The following IGSF11 variants were observed in gnomAD, a reference collection of about 807,000 sequenced individuals.
IGSF11 encodes the protein immunoglobulin superfamily member 11.
IGSF11 carries 22 observed loss-of-function variants against 41.0 expected under a neutral mutation model. That is an observed-to-expected ratio of 0.54 (90% CI 0.38 to 0.77). The LOEUF (loss-of-function observed/expected upper bound fraction) is 0.77. IGSF11 is among the 30% of genes least tolerant of loss of function. The probability of loss-of-function intolerance (pLI) is 0.00; values close to 1 mark genes in which losing one functional copy is unlikely to be tolerated. For synonymous variants in IGSF11, 219 were observed against 201.3 expected (o/e 1.09, Z -0.74); for missense variants, 444 against 530.8 (o/e 0.84, Z 1.61).
chr3:119,114,136 C>T lies in IGSF11; in HGVS notation c.-13-8931G>A, dbSNP rs547708162. 2.3e-4 allele frequency among the ~76,000 whole-genome samples: 35 copies of T among 152,226 alleles called. 1 individual carries two copies. The highest frequency in any genetic ancestry group is 4.1e-4 in the South Asian group (2 of 4,834). On this transcript the variant is annotated intron_variant, in intron 1 of 7. Transcript: ENST00000425327. ...TCCAGGCCTGTGATGGGAGGGGCTGCTGCAAAGGTATCTAAAATGCCTTCA... is the reference window on the plus strand; with the variant it reads ...TCCAGGCCTGTGATGGGAGGGGCTGTTGCAAAGGTATCTAAAATGCCTTCA...
intron 1 of IGSF11, among the ~76,000 whole-genome samples, chr3:119,083,104 T>C (rs1576777300): frequency 6.9e-6 from 1 of 145,702 alleles, no homozygotes; most frequent in East Asian, 2.0e-4. Context: ...ATTCCTTTTT[T>C]TTCTTTTTCT....
At chr3:118,907,401 T>C (rs1274304014) in intron 4 of IGSF11, among the ~76,000 whole-genome samples, 1 of 152,114 alleles carries the variant, frequency 6.6e-6, no homozygotes, top group African/African-American at 2.4e-5. Context: ...ATGAGACAAG[T>C]ATACACACAA....
upstream of IGSF11, among the ~76,000 whole-genome samples, chr3:119,035,477 C>T (rs1195439897): frequency 3.9e-5 from 6 of 152,140 alleles, no homozygotes. Flanking sequence ...TTCTCTTGCC[C>T]CTTTTGTAAA....
At chr3:118,974,798 C>G (rs1033312897) in intron 1 of IGSF11, among the ~76,000 whole-genome samples, 3 of 152,124 alleles carry the variant, frequency 2.0e-5, no homozygotes, top group Non-Finnish European at 4.4e-5. Context: ...TACAATCTTT[C>G]TCTTATCATT....
intron 1 of IGSF11, among the ~76,000 whole-genome samples, chr3:119,026,480 A>G (rs1428933508): frequency 6.6e-6 from 1 of 152,204 alleles, no homozygotes. Flanking sequence ...TCCCTGGGTT[A>G]ACATGTGCAT....
At chr3:119,115,948 T>C (rs545958070) in intron 1 of IGSF11, among the ~76,000 whole-genome samples, 2 of 152,316 alleles carry the variant, frequency 1.3e-5, no homozygotes, top group South Asian at 4.1e-4. Flanking sequence ...GTCTTAAGAT[T>C]ATATAATTAA....
intron 1 of IGSF11, among the ~76,000 whole-genome samples, chr3:119,015,516 T>C (rs1471317349): frequency 6.6e-6 from 1 of 152,172 alleles, no homozygotes; most frequent in Non-Finnish European, 1.5e-5. Context: ...TAACATAATA[T>C]TTTTTCTGTA....
chr3:118,907,908 T>C (rs1173985777), intron 4 of IGSF11, among the ~76,000 whole-genome samples: 2 of 152,238 alleles, frequency 1.3e-5, no homozygotes, highest in Admixed American at 6.5e-5. Flanking sequence ...AATGTTCCAA[T>C]GCTGTTAGTA....
At chr3:119,056,971 C>A (rs1213733871) in intron 1 of IGSF11, among the ~76,000 whole-genome samples, 1 of 152,102 alleles carries the variant, frequency 6.6e-6, no homozygotes, top group Non-Finnish European at 1.5e-5. Context: ...TGGGATATAT[C>A]TCAAAATAAT....
chr3:119,045,387 G>A (rs561049780), intron 1 of IGSF11, among the ~76,000 whole-genome samples: 2 of 152,222 alleles, frequency 1.3e-5, no homozygotes, highest in Non-Finnish European at 2.9e-5. Flanking sequence ...GGTGACGAAC[G>A]GCACCTGGAA....
chr3:119,139,415 C>T (rs1040004638), intron 1 of IGSF11, among the ~76,000 whole-genome samples: 7 of 152,122 alleles, frequency 4.6e-5, no homozygotes, highest in African/African-American at 9.7e-5. Flanking sequence ...ATAATTCCCA[C>T]GTGTTGTAGG....
At chr3:118,935,027 C>T (rs1943133555) in intron 1 of IGSF11, among the ~76,000 whole-genome samples, 1 of 151,888 alleles carries the variant, frequency 6.6e-6, no homozygotes, top group African/African-American at 2.4e-5. Context: ...ACAAGAAAAG[C>T]CCTGACCTCT....
chr3:118,984,798 G>A (rs866534929), intron 1 of IGSF11, among the ~76,000 whole-genome samples: 3 of 152,286 alleles, frequency 2.0e-5, no homozygotes, highest in Middle Eastern at 6.8e-3. Context: ...ACAAGAGGAG[G>A]GAAAGGTAAG....
At chr3:119,032,091 A>T (rs1003659314) in intron 1 of IGSF11, among the ~76,000 whole-genome samples, 1 of 152,236 alleles carries the variant, frequency 6.6e-6, no homozygotes, top group Non-Finnish European at 1.5e-5. Flanking sequence ...CAGAATAAAC[A>T]GAAATAGAAA....
intron 1 of IGSF11, among the ~76,000 whole-genome samples, chr3:119,021,844 G>C (rs930728042): frequency 2.0e-5 from 3 of 152,094 alleles, no homozygotes; most frequent in African/African-American, 7.2e-5. Context: ...AATCAATTAA[G>C]AACTTCTGTT....
chr3:119,049,411 G>A (rs1041577188), intron 1 of IGSF11, among the ~76,000 whole-genome samples: 9 of 152,086 alleles, frequency 5.9e-5, no homozygotes, highest in African/African-American at 2.2e-4. Context: ...GCTTCAAAGA[G>A]AATAAAATAC....
intron 1 of IGSF11, among the ~76,000 whole-genome samples, chr3:119,009,487 C>T (rs1937834754): frequency 6.6e-6 from 1 of 152,126 alleles, no homozygotes; most frequent in Non-Finnish European, 1.5e-5. Context: ...TTAAAGGTGG[C>T]AGTTTCCCCT....
chr3:119,066,159 C>A (rs1360431869), intron 1 of IGSF11, among the ~76,000 whole-genome samples: 1 of 152,046 alleles, frequency 6.6e-6, no homozygotes, highest in Non-Finnish European at 1.5e-5. Flanking sequence ...AACAGGCAGA[C>A]AACAGTTAGG....
At chr3:119,062,039 ATGG>A in intron 1 of IGSF11, among the ~76,000 whole-genome samples, 1 of 152,212 alleles carries the variant, frequency 6.6e-6, no homozygotes. Context: ...CCTTATAAAA[ATGG>A]AATATAATTC....
Sources: allele counts gnomAD v4.1 joint callset (sites outside exome capture counted in the v4.1 genomes callset), GRCh38; gene constraint gnomAD v4.1.1; transcripts MANE v1.5; gene names NCBI Gene and HGNC (gene_info 2026-07-23, HGNC 2026-07-21).